TCF7L2: variants seen among roughly 807,000 people sequenced by gnomAD.
TCF7L2 encodes transcription factor 7-like 2.
In TCF7L2, 23 loss-of-function variants were observed where a neutral mutation model predicts 77.9. The ratio of observed to expected loss-of-function variants is 0.30; its 90% CI spans 0.21 to 0.42. The LOEUF is 0.42. Ranked by LOEUF, TCF7L2 falls within the 10% of genes least tolerant of loss-of-function variation. The pLI is 1.00. For synonymous variants in TCF7L2, 413 were observed against 340.2 expected, an observed-to-expected ratio of 1.21 and a Z score of -2.36; for missense variants, 654 against 793.1, an observed-to-expected ratio of 0.82 and a Z score of 2.11.
intron 5 of TCF7L2, among the ~76,000 whole-genome samples, chr10:113,128,182 G>A (rs1341992888): frequency 6.6e-6 from 1 of 152,114 alleles, no homozygotes; most frequent in Non-Finnish European, 1.5e-5. Flanking sequence ...GGGAATGGCA[G>A]GGTTTTGTTT....
intron 4 of TCF7L2, among the ~76,000 whole-genome samples, chr10:113,034,295 C>G (rs1404675409): frequency 6.6e-6 from 1 of 152,112 alleles, no homozygotes; most frequent in African/African-American, 2.4e-5. Context: ...GATCGTCTTT[C>G]CTTTTGTAAA....
At chr10:112,983,797 G>A (rs1264199406) in intron 4 of TCF7L2, among the ~76,000 whole-genome samples, 3 of 152,212 alleles carry the variant, frequency 2.0e-5, no homozygotes, top group African/African-American at 2.4e-5. Flanking sequence ...TTCACTGCAG[G>A]TGAGTCTGTG....
At chr10:113,119,481 C>G (rs572750772) in intron 5 of TCF7L2, among the ~76,000 whole-genome samples, 3 of 152,272 alleles carry the variant, frequency 2.0e-5, no homozygotes, top group East Asian at 3.9e-4. Context: ...AGGGTCATTG[C>G]AGATGCTTAG....
At position 113,151,284 on chromosome 10, in the gene TCF7L2, G is replaced by A. The variant is rs1350483434; in HGVS notation, c.1001+161G>A. ...CTCTTCACTCCCTTACAAAGAGAGAGAGAGTGCACAGTGGCAGAATCTCAC... is the reference window on the plus strand; with the variant it reads ...CTCTTCACTCCCTTACAAAGAGAGAAAGAGTGCACAGTGGCAGAATCTCAC... On this transcript the variant is annotated intron_variant, in intron 9 of 13. Coordinates refer to ENST00000627217, the MANE Select transcript of TCF7L2 (RefSeq NM_001146274.2). This position sits in a 1 kb window ranked among gnomAD's most constrained non-coding sequence, Gnocchi z 5.2. Among the ~76,000 whole-genome samples, 3 of 152,180 alleles carry A rather than the reference G, an allele frequency of 2.0e-5. No individual in the cohort carries two copies. The highest frequency in any genetic ancestry group is 6.5e-5 in the Admixed American group (1 of 15,274).
chr10:113,055,003 A>G lies in TCF7L2; in HGVS notation c.552+14877A>G, dbSNP rs1417382080. On this transcript the variant is annotated intron_variant, in intron 5 of 13. Coordinates refer to ENST00000627217, the MANE Select transcript of TCF7L2 (RefSeq NM_001146274.2). ...TTGTATGCATATACTACAGCTTTCTATTTCTGTATTGATGGTTAATTAGGT... is the reference window on the plus strand; with the variant it reads ...TTGTATGCATATACTACAGCTTTCTGTTTCTGTATTGATGGTTAATTAGGT... Among the ~76,000 whole-genome samples, 3 of 151,934 alleles carry G rather than the reference A, an allele frequency of 2.0e-5. No individual in the cohort carries two copies. The East Asian group carries it at 5.8e-4, about 29-fold the overall frequency.
In TCF7L2 at chr10:113,040,122, T is replaced by G; in HGVS notation, c.548T>G (p.Ile183Ser). 1 of 1,613,696 alleles carries G rather than the reference T, an allele frequency of 6.2e-7. No homozygotes were observed. Among genetic ancestry groups the G allele is most frequent in the Admixed American group, 1.7e-5 (1 of 59,972 alleles). Residue 183 changes from isoleucine (I) to serine (S), a missense_variant, in exon 5 of 14, where the codon ATT becomes AGT. Ile to Ser is a moderately radical substitution (Grantham distance 142, BLOSUM62 -2). Around this residue, in one of 6 missense-constraint regions of TCF7L2, gnomAD observed 179 missense variants for 270.6 expected, o/e 0.66. Transcript: ENST00000627217. ...GCCCGGTCCCCATCACCGGCACACA[T>G]TGTCGTAAGTAACCTCCCAGAGATG... is the stretch of plus-strand genomic sequence containing the variant.
At chr10:112,991,603 C>G (rs1402602246) in intron 4 of TCF7L2, among the ~76,000 whole-genome samples, 1 of 152,086 alleles carries the variant, frequency 6.6e-6, no homozygotes, top group South Asian at 2.1e-4. Context: ...CAAGGGGAGT[C>G]AGGCTCAGAG....
intron 4 of TCF7L2, among the ~76,000 whole-genome samples, chr10:113,020,683 C>T (rs1319707760): frequency 6.6e-6 from 1 of 152,106 alleles, no homozygotes; most frequent in African/African-American, 2.4e-5. Context: ...TCATTTAGTT[C>T]TCACCACAGC....
intron 4 of TCF7L2, among the ~76,000 whole-genome samples, chr10:113,037,656 G>T (rs1021314845): frequency 6.6e-6 from 1 of 152,166 alleles, no homozygotes; most frequent in African/African-American, 2.4e-5. Context: ...CAGTTCTTGG[G>T]TGGGTCCTCA....
intron 5 of TCF7L2, among the ~76,000 whole-genome samples, chr10:113,122,616 T>A (rs572058730): frequency 6.6e-6 from 1 of 152,206 alleles, no homozygotes; most frequent in Non-Finnish European, 1.5e-5. Context: ...GGAATAAAGA[T>A]TTTGTACTGG....
intron 4 of TCF7L2, among the ~76,000 whole-genome samples, chr10:112,997,517 A>G (rs894795627): frequency 2.0e-5 from 3 of 152,234 alleles, no homozygotes; most frequent in African/African-American, 7.2e-5. Flanking sequence ...GTCATTCAGA[A>G]GCAGAAAGGG....
intron 11 of TCF7L2, among the ~76,000 whole-genome samples, chr10:113,156,461 C>T (rs1459507941): frequency 2.6e-5 from 4 of 152,206 alleles, no homozygotes; most frequent in Admixed American, 2.6e-4. Flanking sequence ...TCCGAGTTGA[C>T]ATCAACATAC....
Position 112,950,250 on chromosome 10 carries a change from A to G in TCF7L2, c.-507A>G. 1 of 181,362 alleles carries G rather than the reference A, an allele frequency of 5.5e-6. No homozygotes were observed. Among genetic ancestry groups the G allele is most frequent in the Non-Finnish European group, 1.1e-5 (1 of 90,500 alleles). 11.2% of individuals were successfully genotyped at this position (181,362 alleles called of 1,614,324 possible). ...GGCAGTGTGTTCCTCTCGCCCTGTC[A>G]ATAATCTCCGCTCCCAGACTACTCC... On this transcript the variant is annotated 5_prime_UTR_variant, in exon 1 of 14. Transcript: ENST00000627217.
chr10:113,106,637 C>T lies in TCF7L2; in HGVS notation c.553-34547C>T, dbSNP rs904447011. ...TATAATCATCTCTGCTAAAGGTTAACGAGAAAGCAGTGAGCTGGAATTGAT... is the reference window on the plus strand; with the variant it reads ...TATAATCATCTCTGCTAAAGGTTAATGAGAAAGCAGTGAGCTGGAATTGAT... On this transcript the variant is annotated intron_variant, in intron 5 of 13. Coordinates refer to ENST00000627217, the MANE Select transcript of TCF7L2 (RefSeq NM_001146274.2). 9.2e-5 allele frequency among the ~76,000 whole-genome samples: 14 copies of T among 152,098 alleles called. 1 individual carries two copies. The highest frequency in any genetic ancestry group is 4.2e-4 in the South Asian group (2 of 4,802).
At chr10:113,060,240 C>A (rs533597767) in intron 5 of TCF7L2, among the ~76,000 whole-genome samples, 16 of 152,324 alleles carry the variant, frequency 1.1e-4, no homozygotes, top group Non-Finnish European at 2.1e-4. Flanking sequence ...GAAGGAATTG[C>A]AGGCACAGAG....
At chr10:112,963,352 A>G (rs1329743622) in intron 3 of TCF7L2, among the ~76,000 whole-genome samples, 6 of 152,232 alleles carry the variant, frequency 3.9e-5, no homozygotes, top group African/African-American at 1.4e-4. Context: ...GGAGCAAGAT[A>G]CAAATTATCT....
At chr10:112,983,603 G>T (rs1309785311) in intron 4 of TCF7L2, among the ~76,000 whole-genome samples, 2 of 152,148 alleles carry the variant, frequency 1.3e-5, no homozygotes, top group Admixed American at 1.3e-4. Context: ...TTTCCCTTGG[G>T]CCTCTGTGGT....
chr10:112,957,558 A>G (rs2033990728), intron 3 of TCF7L2, among the ~76,000 whole-genome samples: 1 of 152,166 alleles, frequency 6.6e-6, no homozygotes, highest in Non-Finnish European at 1.5e-5. Context: ...AAGATAAGAA[A>G]AGTATAATAC....
At chr10:112,979,154 C>T (rs767119948) in intron 4 of TCF7L2, among the ~76,000 whole-genome samples, 2 of 152,024 alleles carry the variant, frequency 1.3e-5, no homozygotes, top group African/African-American at 4.8e-5. Context: ...TTGGAGACTT[C>T]GCCTGTTGAA....
Sources: allele counts gnomAD v4.1 joint callset (sites outside exome capture counted in the v4.1 genomes callset), GRCh38; gene constraint gnomAD v4.1.1; regional missense constraint gnomAD v4.1.1; non-coding constraint Gnocchi (gnomAD v3.1); transcripts MANE v1.5; gene names NCBI Gene and HGNC (gene_info 2026-07-23, HGNC 2026-07-21).